The following FAP variants were observed in gnomAD, a reference collection of about 807,000 sequenced individuals.
The protein encoded by FAP is prolyl endopeptidase FAP.
A neutral mutation model predicts 126.5 loss-of-function variants in FAP; 110 were observed. That is an observed-to-expected ratio of 0.87 (90% CI 0.74 to 1.02). The LOEUF is 1.02. Among genes scored for constraint, FAP ranks in the 50% least tolerant of loss-of-function variants. The pLI is 0.00. For synonymous variants in FAP, 334 were observed against 297.3 expected (o/e 1.12, Z -1.27); for missense variants, 919 against 909.2 (o/e 1.01, Z -0.14).
chr2:162,203,096 T>C lies in FAP; in HGVS notation c.1097A>G (p.Lys366Arg), dbSNP rs776248481. The C allele has an allele frequency of 1.9e-6, 3 of 1,613,688 alleles. No individual in the cohort carries two copies. Among genetic ancestry groups the C allele is most frequent in the Non-Finnish European group, 2.5e-6 (3 of 1,179,866 alleles). The change falls in exon 13 of 26, where the codon AAA becomes AGA. Residue 366 changes from lysine to arginine, a missense_variant. Coordinates refer to ENST00000188790, the MANE Select transcript of FAP (RefSeq NM_004460.5). ...GTAGCCATCCTTGTCACTAAATATT[T>C]TGTAGTACGAAATGGCATCATAGCT... ...VFSYDAISYY[K>R]IFSDKDGYKH...
In FAP at chr2:162,198,063, A is replaced by C. The variant is rs575693195; in HGVS notation, c.1402+694T>G. On this transcript the variant is annotated intron_variant, in intron 16 of 25. Transcript: ENST00000188790. ...AAGATATAGATAAAAGGTTGCACATAAAATAAAATTATATGGGTAGAAATT... is the reference window on the plus strand; with the variant it reads ...AAGATATAGATAAAAGGTTGCACATCAAATAAAATTATATGGGTAGAAATT... 1.3e-4 allele frequency: 112 copies of C among 842,114 alleles called. No homozygotes were observed. The African/African-American group carries it at 1.9e-3, about 15-fold the overall frequency. The allele number at this position is 842,114 out of a possible 1,614,324, so 52.2% of individuals were successfully genotyped here. A position where few individuals can be genotyped will look rare whatever the true frequency, so the allele number is the denominator to read the frequency against.
intron 21 of FAP, among the ~76,000 whole-genome samples, chr2:162,182,708 T>C (rs75548935): frequency 6.6e-6 from 1 of 152,346 alleles, no homozygotes; most frequent in Non-Finnish European, 1.5e-5. Context: ...GAAATCTTCT[T>C]TGAAGGGTAA....
chr2:162,182,635 C>A (rs1197874535), intron 21 of FAP, among the ~76,000 whole-genome samples: 1 of 152,124 alleles, frequency 6.6e-6, no homozygotes, highest in Non-Finnish European at 1.5e-5. Flanking sequence ...GAAAAACAAC[C>A]CAGGCACAAA....
intron 16 of FAP, among the ~76,000 whole-genome samples, chr2:162,196,512 G>A (rs1367922790): frequency 6.7e-6 from 1 of 149,878 alleles, no homozygotes; most frequent in African/African-American, 2.4e-5. Context: ...ATGGAAACTT[G>A]CATATCTTTT....
intron 11 of FAP, among the ~76,000 whole-genome samples, chr2:162,211,315 C>T (rs1209247289): frequency 2.6e-5 from 4 of 152,168 alleles, no homozygotes; most frequent in Admixed American, 2.0e-4. Context: ...CCAACCCCCA[C>T]CATACCCCAC....
rs1208856121 is a variant in FAP at position 162,209,981 on chromosome 2, C to T, written c.1018G>A (p.Glu340Lys). Residue 340 changes from glutamate (E) to lysine (K), a missense_variant, in exon 12 of 26, where the codon GAA becomes AAA. By Grantham distance (56) the Glu-to-Lys change is moderately conservative. Coordinates refer to ENST00000188790, the MANE Select transcript of FAP (RefSeq NM_004460.5). ...WDCPKTQEHI[E>K]ESRTGWAGGF... ...CCAGCCCATCCAGTTCTGCTTTCTT[C>T]TATATGCTCCTGGGTCTAAAAGACA... The T allele has an allele frequency of 1.2e-5, 19 of 1,612,816 alleles. No homozygotes were observed. Among genetic ancestry groups the T allele is most frequent in the South Asian group, 2.2e-5 (2 of 91,048 alleles).
At chr2:162,179,959 C>T (rs1341989735) in intron 21 of FAP, among the ~76,000 whole-genome samples, 1 of 151,882 alleles carries the variant, frequency 6.6e-6, no homozygotes, top group Non-Finnish European at 1.5e-5. Context: ...CAGGCACATG[C>T]CACCATGCCT....
intron 17 of FAP, among the ~76,000 whole-genome samples, chr2:162,192,916 C>T (rs1688105058): frequency 6.6e-6 from 1 of 152,118 alleles, no homozygotes; most frequent in Admixed American, 6.6e-5. Flanking sequence ...AGCTGCTCTT[C>T]CTGTGTGCTT....
chr2:162,197,540 C>T (rs1391980142), intron 16 of FAP: 4 of 456,360 alleles, frequency 8.8e-6, no homozygotes, highest in Admixed American at 2.3e-5. Context: ...ATTGACCAAA[C>T]ATTTTATGAA....
At chr2:162,173,295 T>C (rs1687379621) in intron 23 of FAP, 74 bp from the exon 24 acceptor site, 3 of 1,045,022 alleles carry the variant, frequency 2.9e-6, no homozygotes, top group Non-Finnish European at 4.5e-6. Context: ...CATTGTGCAA[T>C]GGACTTAGCA....
In FAP at chr2:162,200,556, C is replaced by A; in HGVS notation, c.1277+10G>T. 2.1e-6 allele frequency: 3 copies of A among 1,450,628 alleles called. No homozygotes were observed. Among genetic ancestry groups the A allele is most frequent in the Admixed American group, 1.9e-5 (1 of 52,638 alleles). The allele number at this position is 1,450,628 out of a possible 1,614,324, so 89.9% of individuals were successfully genotyped here. A position where few individuals can be genotyped will look rare whatever the true frequency, so the allele number is the denominator to read the frequency against. ...ACATAGAAATACCAGAATGAATGGA[C>A]ATAAATTACCTGTAGATGTTTCTTC... is the stretch of plus-strand genomic sequence containing the variant. On this transcript the variant is annotated intron_variant, in intron 15 of 25. Transcript: ENST00000188790.
Position 162,243,404 on chromosome 2 carries a change from A to G in FAP, c.-77T>C. The stretch of plus-strand genomic sequence containing the variant: ...ACTGGATCTGTGAAAACCGTTGAAA[A>G]GGACCAAGTCTGTCTTTGTAGTTGG... On this transcript the variant is annotated 5_prime_UTR_variant, in exon 1 of 26. Transcript: ENST00000188790. 4 of 1,572,530 alleles carry G rather than the reference A, an allele frequency of 2.5e-6. No homozygotes were observed. The highest frequency in any genetic ancestry group is 2.6e-6 in the Non-Finnish European group (3 of 1,164,356).
At chr2:162,207,719 T>G (rs1185194796) in intron 12 of FAP, among the ~76,000 whole-genome samples, 1 of 151,724 alleles carries the variant, frequency 6.6e-6, no homozygotes, top group Non-Finnish European at 1.5e-5. Flanking sequence ...AGGGCATTTT[T>G]TTTTTTTTTG....
Position 162,202,907 on chromosome 2 carries a change from C to T in FAP, c.1188G>A (p.Glu396=), listed in dbSNP as rs1688551252. 3.1e-6 allele frequency: 5 copies of T among 1,613,684 alleles called. No individual in the cohort carries two copies. The highest frequency in any genetic ancestry group is 4.2e-6 in the Non-Finnish European group (5 of 1,179,650). The part of the protein sequence containing the change: ...NAIQITSGKW[E]AINIFRVTQD... ...GTGTTACTCTGAATATATTTATGGCCTCCCACTTGCCACTTGTAATTTGAA... is the reference window on the plus strand; with the variant it reads ...GTGTTACTCTGAATATATTTATGGCTTCCCACTTGCCACTTGTAATTTGAA... Residue 396 remains glutamate, a synonymous_variant, in exon 14 of 26, where the codon GAG becomes GAA. Coordinates refer to ENST00000188790, the MANE Select transcript of FAP (RefSeq NM_004460.5).
chr2:162,227,015 T>G (rs1024126937), intron 2 of FAP, among the ~76,000 whole-genome samples: 5 of 152,150 alleles, frequency 3.3e-5, no homozygotes, highest in African/African-American at 1.2e-4. Flanking sequence ...TTACAGACCA[T>G]GTAGGTTTGG....
chr2:162,198,098 AT>A (rs1343117482), intron 16 of FAP: 63 of 1,008,164 alleles, frequency 6.2e-5, no homozygotes, highest in Non-Finnish European at 7.5e-5. Flanking sequence ...TATTCATTAA[AT>A]GTACGTATGT....
At chr2:162,199,746 G>A (rs1227436555) in intron 15 of FAP, among the ~76,000 whole-genome samples, 1 of 152,228 alleles carries the variant, frequency 6.6e-6, no homozygotes, top group Non-Finnish European at 1.5e-5. Flanking sequence ...AGACACTGCT[G>A]GACCCAGAGA....
intron 10 of FAP, among the ~76,000 whole-genome samples, chr2:162,215,414 C>A (rs556593742): frequency 1.3e-5 from 2 of 152,318 alleles, no homozygotes; most frequent in African/African-American, 4.8e-5. Flanking sequence ...AGTGAGAATC[C>A]TTCACGTCCC....
chr2:162,198,070 A>C (rs1688328073), intron 16 of FAP: 1 of 871,536 alleles, frequency 1.1e-6, no homozygotes, highest in Admixed American at 3.7e-5. Flanking sequence ...CATAAAATAA[A>C]ATTATATGGG....
Sources: allele counts gnomAD v4.1 joint callset (sites outside exome capture counted in the v4.1 genomes callset), GRCh38; gene constraint gnomAD v4.1.1; transcripts MANE v1.5; gene names NCBI Gene and HGNC (gene_info 2026-07-23, HGNC 2026-07-21).